PEX14: variants seen among roughly 807,000 people sequenced by gnomAD.
The protein encoded by PEX14 is peroxisomal membrane protein PEX14.
Under a neutral mutation model 49.5 loss-of-function variants are expected in PEX14, and 15 were observed. The ratio of observed to expected loss-of-function variants is 0.30; its 90% CI spans 0.20 to 0.47. PEX14 has a LOEUF of 0.47. PEX14 is among the 20% of genes least tolerant of loss of function. The pLI is 1.00. For missense variants in PEX14, 398 were observed against 494.8 expected, an observed-to-expected ratio of 0.80 and a Z score of 1.86; for synonymous variants, 210 against 212.7, an observed-to-expected ratio of 0.99 and a Z score of 0.11.
intron 3 of PEX14, among the ~76,000 whole-genome samples, chr1:10,573,921 T>C (rs1304020182): frequency 6.6e-5 from 10 of 152,176 alleles, no homozygotes; most frequent in African/African-American, 2.4e-4. Flanking sequence ...GTTAACATGG[T>C]GAAACCCCAT....
chr1:10,521,880 T>G lies in PEX14; in HGVS notation c.85-14333T>G, dbSNP rs569234586. Reference sequence around the variant, plus strand: ...GGAAAGAAGGATGCTGAACCACTTGTGGGCTGGTAAAAACCCTGTCTATTA... The same window carrying G: ...GGAAAGAAGGATGCTGAACCACTTGGGGGCTGGTAAAAACCCTGTCTATTA... On this transcript the variant is annotated intron_variant, in intron 2 of 8. Coordinates refer to ENST00000356607, the MANE Select transcript of PEX14 (RefSeq NM_004565.3). Among the ~76,000 whole-genome samples, 11 of 152,354 alleles carry G rather than the reference T, an allele frequency of 7.2e-5. No individual in the cohort carries two copies. In the East Asian group the frequency reaches 2.1e-3, roughly 29 times the overall value.
At chr1:10,566,135 C>G (rs1216671752) in intron 3 of PEX14, among the ~76,000 whole-genome samples, 4 of 152,202 alleles carry the variant, frequency 2.6e-5, no homozygotes, top group Non-Finnish European at 4.4e-5. Flanking sequence ...TACTTTCAAT[C>G]AGTTTGTTTT....
chr1:10,491,910 C>T (rs1041340848), intron 1 of PEX14, among the ~76,000 whole-genome samples: 2 of 151,872 alleles, frequency 1.3e-5, no homozygotes, highest in South Asian at 2.1e-4. Flanking sequence ...CTCTAACTCC[C>T]GGCCTCAAGT....
intron 1 of PEX14, among the ~76,000 whole-genome samples, chr1:10,487,427 G>C (rs56678008): frequency 0.086 from 12,725 of 148,150 alleles, 1,822 homozygotes; most frequent in African/African-American, 0.29. Context: ...CCATCTGGAC[G>C]TAGAGTTTTC....
At chr1:10,568,499 TAATA>T (rs946547014) in intron 3 of PEX14, among the ~76,000 whole-genome samples, 11 of 152,266 alleles carry the variant, frequency 7.2e-5, no homozygotes, top group African/African-American at 2.6e-4. Flanking sequence ...TAAAGTATAT[TAATA>T]GATAACAGTG....
chr1:10,605,947 C>T (rs930405010), intron 4 of PEX14, among the ~76,000 whole-genome samples: 3 of 152,092 alleles, frequency 2.0e-5, no homozygotes, highest in Middle Eastern at 3.2e-3. Flanking sequence ...ATGCCATTCG[C>T]GGATGTTGAA....
chr1:10,555,099 C>T (rs946055712), intron 3 of PEX14, among the ~76,000 whole-genome samples: 1 of 152,118 alleles, frequency 6.6e-6, no homozygotes, highest in Non-Finnish European at 1.5e-5. Context: ...CCCATCCCTT[C>T]CCAAAACCAC....
In PEX14 at chr1:10,484,826, G is replaced by A. The variant is rs180787135; in HGVS notation, c.36+9824G>A. ...CTTTAGTGTGTTACTGTCAGCCAGC[G>A]GCCGCCCTCAGTTTCTTGCCAAATG... On this transcript the variant is annotated intron_variant, in intron 1 of 8. Coordinates refer to ENST00000356607, the MANE Select transcript of PEX14 (RefSeq NM_004565.3). 1.9e-3 allele frequency among the ~76,000 whole-genome samples: 292 copies of A among 151,752 alleles called. 13 individuals carry two copies. In the East Asian group the frequency reaches 0.045, roughly 23 times the overall value.
rs181763353 is a variant in PEX14 at position 10,528,050 on chromosome 1, C to T, written c.85-8163C>T. Among the ~76,000 whole-genome samples, 7 of 152,242 alleles carry T rather than the reference C, an allele frequency of 4.6e-5. No homozygotes were observed. The East Asian group carries it at 1.2e-3, about 25-fold the overall frequency. ...TTGATGGTACACATAATTTTTTGGT[C>T]CAGAGCTTATCTTCCTTGGAATTCA... On this transcript the variant is annotated intron_variant, in intron 2 of 8. Transcript: ENST00000356607.
At chr1:10,487,578 A>G (rs1451101282) in intron 1 of PEX14, among the ~76,000 whole-genome samples, 1 of 130,362 alleles carries the variant, frequency 7.7e-6, no homozygotes, top group South Asian at 2.5e-4. Context: ...TCTACCTCCC[A>G]GGTTCAAGCG....
Position 10,627,314 on chromosome 1 carries a change from A to G in PEX14, c.628A>G (p.Asn210Asp), listed in dbSNP as rs1247524084. The change falls in exon 8 of 9, where the codon AAC (asparagine) becomes GAC (aspartate). Residue 210 changes from asparagine (N) to aspartate (D), a missense_variant. Transcript: ENST00000356607. ...TNWILESQNI[N>D]ELKSEINSLK... ...CTGGATCCTGGAGTCCCAGAATATC[A>G]ACGAACTCAAGTCCGAAATTAACTC... is the stretch of plus-strand genomic sequence containing the variant. The G allele has an allele frequency of 1.9e-6, 3 of 1,613,688 alleles. No homozygotes were observed. In the Admixed American group the frequency reaches 5.0e-5, roughly 27 times the overall value.
chr1:10,594,631 T>C (rs1471642), intron 3 of PEX14, among the ~76,000 whole-genome samples: 22,078 of 152,290 alleles, frequency 0.14, 2,061 homozygotes, highest in Non-Finnish European at 0.2. Flanking sequence ...CACTGCTGTC[T>C]TCTGTCATCT....
chr1:10,619,197 A>G (rs530226751), intron 5 of PEX14, among the ~76,000 whole-genome samples: 1 of 152,318 alleles, frequency 6.6e-6, no homozygotes, highest in East Asian at 1.9e-4. Context: ...GACGTGAAGC[A>G]AATGAGTCTA....
chr1:10,525,931 T>TA (rs1294907713), intron 2 of PEX14, among the ~76,000 whole-genome samples: 1 of 149,756 alleles, frequency 6.7e-6, no homozygotes, highest in Non-Finnish European at 1.5e-5. Flanking sequence ...GCTGATTTTT[T>TA]TTTTTTTTGA....
chr1:10,503,365 G>T (rs1641721270), intron 2 of PEX14, among the ~76,000 whole-genome samples: 1 of 149,988 alleles, frequency 6.7e-6, no homozygotes, highest in Non-Finnish European at 1.5e-5. Context: ...GTAGGCACTT[G>T]GTTATCTTAA....
At position 10,520,163 on chromosome 1, in the gene PEX14, G is replaced by GT. The variant is rs1553185445; in HGVS notation, c.85-16043dup. Among the ~76,000 whole-genome samples the GT allele has an allele frequency of 9.5e-5, 4 of 42,002 alleles. 1 individual carries two copies. The highest frequency in any genetic ancestry group is 9.6e-4 in the South Asian group (1 of 1,042). The allele number at this position is 42,002 out of a possible 152,430, so 27.6% of individuals were successfully genotyped here. ...CCTTCTTCTTCTTTTTTTTTTTTTT[G>GT]TTTTTTTAACTAGAGACAAGGTCTC... On this transcript the variant is annotated intron_variant, in intron 2 of 8. Coordinates refer to ENST00000356607, the MANE Select transcript of PEX14 (RefSeq NM_004565.3).
chr1:10,580,442 C>G (rs1640281747), intron 3 of PEX14, among the ~76,000 whole-genome samples: 1 of 152,104 alleles, frequency 6.6e-6, no homozygotes, highest in Non-Finnish European at 1.5e-5. Flanking sequence ...CCAGGCTGGT[C>G]TCGAACTCCT....
chr1:10,546,044 CAAAAAAAA>C lies in PEX14; in HGVS notation c.169+9749_169+9756del, dbSNP rs560625399. Among the ~76,000 whole-genome samples, 668 of 148,334 alleles carry C rather than the reference CAAAAAAAA, an allele frequency of 4.5e-3. 21 individuals carry two copies. The highest frequency in any genetic ancestry group is 0.04 in the Admixed American group (594 of 14,946). On this transcript the variant is annotated intron_variant, in intron 3 of 8. Coordinates refer to ENST00000356607, the MANE Select transcript of PEX14 (RefSeq NM_004565.3). ...TGGGTGACAGAGCAAGACACTGTCT[CAAAAAAAA>C]AGATTGAGGAGGGGGTAGAATTAAA...
chr1:10,508,443 G>C (rs1446477635), intron 2 of PEX14, among the ~76,000 whole-genome samples: 1 of 152,068 alleles, frequency 6.6e-6, no homozygotes, highest in Admixed American at 6.5e-5. Context: ...TCCTGACCTC[G>C]GCCTCCCAAA....
Sources: allele counts gnomAD v4.1 joint callset (sites outside exome capture counted in the v4.1 genomes callset), GRCh38; gene constraint gnomAD v4.1.1; transcripts MANE v1.5; gene names NCBI Gene and HGNC (gene_info 2026-07-23, HGNC 2026-07-21).